C10orf71: variants seen among roughly 807,000 people sequenced by gnomAD.
The protein encoded by C10orf71 is cardiac-enriched FHL2-interacting protein.
For missense variants in C10orf71, 1,869 were observed against 1,804.5 expected, an observed-to-expected ratio of 1.04 and a Z score of -0.65; for synonymous variants, 758 against 726.3, an observed-to-expected ratio of 1.04 and a Z score of -0.70.
rs770394950 is a variant in C10orf71, at chr10:49,325,195, T to A, written c.2650T>A (p.Ser884Thr). ...CCTGAGGACCATGTCCTTGGAGGAC[T>A]CCCTCAGCAGTGGCCACAAAGAGGA... is the stretch of plus-strand genomic sequence containing the variant. ...PLLRTMSLED[S>T]LSSGHKEEEL... Residue 884 changes from serine to threonine, a missense_variant, in exon 3 of 3, where the codon TCC becomes ACC. By Grantham distance (58) the Ser-to-Thr change is moderately conservative. Transcript: ENST00000374144. The A allele has an allele frequency of 3.7e-5, 58 of 1,551,878 alleles. No individual in the cohort carries two copies. The highest frequency in any genetic ancestry group is 5.1e-5 in the Non-Finnish European group (58 of 1,147,070).
rs1179369307 is a variant in C10orf71 at position 49,326,320 on chromosome 10, G to A, written c.3775G>A (p.Gly1259Arg). 2 of 1,548,276 alleles carry A rather than the reference G, an allele frequency of 1.3e-6. No homozygotes were observed. The highest frequency in any genetic ancestry group is 2.4e-5 in the East Asian group (1 of 40,872). The change falls in exon 3 of 3, where the codon GGG becomes AGG. Residue 1259 changes from glycine (G) to arginine (R), a missense_variant. Physicochemically the swap from Gly to Arg is moderately radical, Grantham distance 125. Transcript: ENST00000374144. The part of the protein sequence containing the change: ...GFSEPVGRRP[G>R]GPQSLTPLPA... ...CTCGGAGCCTGTCGGGAGGCGGCCC[G>A]GGGGCCCCCAGTCCCTCACACCCCT...
chr10:49,325,751 C>G lies in C10orf71; in HGVS notation c.3206C>G (p.Ser1069Cys). Residue 1069 changes from serine (S) to cysteine (C), a missense_variant, in exon 3 of 3, where the codon TCC becomes TGC. Physicochemically the swap from Ser to Cys is moderately radical, Grantham distance 112. Coordinates refer to ENST00000374144, the MANE Select transcript of C10orf71 (RefSeq NM_001135196.2). ...PGSPGESSAC[S>C]PAASNIWEES... ...TCCCCCGGGGAGAGCAGTGCCTGCTCCCCTGCTGCCAGCAACATTTGGGAG... is the reference window on the plus strand; with the variant it reads ...TCCCCCGGGGAGAGCAGTGCCTGCTGCCCTGCTGCCAGCAACATTTGGGAG... 1 of 1,551,442 alleles carries G rather than the reference C, an allele frequency of 6.4e-7. No individual in the cohort carries two copies. Among genetic ancestry groups the G allele is most frequent in the Non-Finnish European group, 8.7e-7 (1 of 1,146,876 alleles).
Position 49,322,439 on chromosome 10 carries a change from T to A in C10orf71, c.-107T>A. The A allele has an allele frequency of 7.4e-7, 1 of 1,359,756 alleles. No individual in the cohort carries two copies. Among genetic ancestry groups the A allele is most frequent in the Non-Finnish European group, 9.8e-7 (1 of 1,025,292 alleles). 84.2% of individuals were successfully genotyped at this position (1,359,756 alleles called of 1,614,324 possible). A position where few individuals can be genotyped will look rare whatever the true frequency, so the allele number is the denominator to read the frequency against. On this transcript the variant is annotated 5_prime_UTR_variant, in exon 3 of 3. Coordinates refer to ENST00000374144, the MANE Select transcript of C10orf71 (RefSeq NM_001135196.2). ...ATCCCCACTTTGCAATTGCATCTGGTCAATGAGAGGCTCTAGTTTTGGGGA... is the reference window on the plus strand; with the variant it reads ...ATCCCCACTTTGCAATTGCATCTGGACAATGAGAGGCTCTAGTTTTGGGGA...
At chr10:49,319,452 G>A (rs1315980817) in intron 2 of C10orf71, among the ~76,000 whole-genome samples, 2 of 152,008 alleles carry the variant, frequency 1.3e-5, no homozygotes, top group East Asian at 3.9e-4. Flanking sequence ...ATGGAAAACA[G>A]TCTAGAAGTT....
chr10:49,313,558 C>T (rs956483784), intron 1 of C10orf71, among the ~76,000 whole-genome samples: 3 of 152,142 alleles, frequency 2.0e-5, no homozygotes, highest in Admixed American at 2.0e-4. Context: ...GAATGGGCTG[C>T]TGCAGTGGCC....
chr10:49,326,541 T>C lies in C10orf71; in HGVS notation c.3996T>C (p.Tyr1332=), dbSNP rs558121929. 191 of 1,550,634 alleles carry C rather than the reference T, an allele frequency of 1.2e-4. 4 individuals are homozygous for C. In the South Asian group the frequency reaches 2.1e-3, roughly 17 times the overall value. The change falls in exon 3 of 3, where the codon TAT becomes TAC. Residue 1332 remains tyrosine (Y), a synonymous_variant. Coordinates refer to ENST00000374144, the MANE Select transcript of C10orf71 (RefSeq NM_001135196.2). The part of the protein sequence containing the change: ...PPPPDALAAP[Y]VLYPGFQPVP... ...CACCGGACGCCCTGGCCGCTCCCTA[T>C]GTGCTGTACCCCGGCTTCCAGCCAG...
In C10orf71 at chr10:49,325,701, G is replaced by C. The variant is rs1186867522; in HGVS notation, c.3156G>C (p.Glu1052Asp). Reference protein sequence around the residue: ...GPPGRRLVPSERANSPNPGSP... With the variant: ...GPPGRRLVPSDRANSPNPGSP... Reference sequence around the variant, plus strand: ...CTGGCAGAAGACTGGTCCCCAGTGAGAGGGCGAATTCCCCCAACCCCGGCT... The same window carrying C: ...CTGGCAGAAGACTGGTCCCCAGTGACAGGGCGAATTCCCCCAACCCCGGCT... The change falls in exon 3 of 3, where the codon GAG (glutamate) becomes GAC (aspartate). Residue 1052 changes from glutamate to aspartate, a missense_variant. Glu to Asp is a conservative substitution (Grantham distance 45, BLOSUM62 2). Coordinates refer to ENST00000374144, the MANE Select transcript of C10orf71 (RefSeq NM_001135196.2). 6.4e-7 allele frequency: 1 copy of C among 1,551,816 alleles called. No individual in the cohort carries two copies. Among genetic ancestry groups the C allele is most frequent in the Non-Finnish European group, 8.7e-7 (1 of 1,146,990 alleles).
chr10:49,308,702 G>A (rs1303797890), intron 1 of C10orf71, among the ~76,000 whole-genome samples: 3 of 152,194 alleles, frequency 2.0e-5, no homozygotes, highest in African/African-American at 7.2e-5. Flanking sequence ...TATATCTCCA[G>A]CACCAAAACT....
At chr10:49,309,085 A>G (rs974396872) in intron 1 of C10orf71, among the ~76,000 whole-genome samples, 1 of 152,230 alleles carries the variant, frequency 6.6e-6, no homozygotes, top group African/African-American at 2.4e-5. Context: ...GAGCACGGGC[A>G]GGTGCAGGGG....
intron 2 of C10orf71, 29 bp from the exon 3 acceptor site, chr10:49,322,373 T>C: frequency 2.9e-6 from 2 of 684,872 alleles, no homozygotes; most frequent in Non-Finnish European, 4.7e-6. Flanking sequence ...GTATACTTTG[T>C]TCACGCCCTG....
Position 49,326,239 on chromosome 10 carries a change from T to A in C10orf71, c.3694T>A (p.Phe1232Ile). 1 of 1,550,516 alleles carries A rather than the reference T, an allele frequency of 6.4e-7. No individual in the cohort carries two copies. Among genetic ancestry groups the A allele is most frequent in the Non-Finnish European group, 8.7e-7 (1 of 1,146,918 alleles). Residue 1232 changes from phenylalanine to isoleucine, a missense_variant, in exon 3 of 3, where the codon TTC becomes ATC. Physicochemically the swap from Phe to Ile is conservative, Grantham distance 21. Transcript: ENST00000374144. ...LCPRERPRHN[F>I]PVVRSLPPPV... Reference sequence around the variant, plus strand: ...CCCCAGAGAGAGGCCCCGACACAATTTCCCCGTGGTCCGTTCCCTGCCCCC... The same window carrying A: ...CCCCAGAGAGAGGCCCCGACACAATATCCCCGTGGTCCGTTCCCTGCCCCC...
Position 49,318,987 on chromosome 10 carries a change from G to A in C10orf71, c.-145+2740G>A, listed in dbSNP as rs190426021. 4.7e-3 allele frequency among the ~76,000 whole-genome samples: 709 copies of A among 152,304 alleles called. 8 individuals are homozygous for A. The highest frequency in any genetic ancestry group is 0.016 in the African/African-American group (653 of 41,558). Reference sequence around the variant, plus strand: ...CCCCTGGAGCTCTGGCAGTGACTAAGGCCAGCCAAGCAAGGAGGGGAGAGC... The same window carrying A: ...CCCCTGGAGCTCTGGCAGTGACTAAAGCCAGCCAAGCAAGGAGGGGAGAGC... On this transcript the variant is annotated intron_variant, in intron 2 of 2. Transcript: ENST00000374144.
Position 49,325,388 on chromosome 10 carries a change from A to C in C10orf71, c.2843A>C (p.Glu948Ala). ...PGQGSSMARMEASQPAPKGNF... is the reference protein window; with the variant it reads ...PGQGSSMARMAASQPAPKGNF... ...CAGGGGTCGAGCATGGCCAGGATGG[A>C]GGCCTCTCAGCCAGCCCCAAAGGGG... The change falls in exon 3 of 3, where the codon GAG (glutamate) becomes GCG (alanine). Residue 948 changes from glutamate to alanine, a missense_variant. Transcript: ENST00000374144. 6.4e-7 allele frequency: 1 copy of C among 1,551,220 alleles called. No homozygotes were observed. Among genetic ancestry groups the C allele is most frequent in the Non-Finnish European group, 8.7e-7 (1 of 1,146,632 alleles).
In C10orf71 at chr10:49,322,816, G is replaced by A. The variant is rs368649718; in HGVS notation, c.271G>A (p.Glu91Lys). The A allele has an allele frequency of 3.1e-6, 5 of 1,613,792 alleles. No individual in the cohort carries two copies. In the African/African-American group the frequency reaches 4.0e-5, roughly 13 times the overall value. The change falls in exon 3 of 3, where the codon GAA becomes AAA. Residue 91 changes from glutamate (E) to lysine (K), a missense_variant. Coordinates refer to ENST00000374144, the MANE Select transcript of C10orf71 (RefSeq NM_001135196.2). Reference sequence around the variant, plus strand: ...GAGCCAGTTACCGTCACAGGGCACGGAACATTCGGGCTGGGCGGCCACCTT... The same window carrying A: ...GAGCCAGTTACCGTCACAGGGCACGAAACATTCGGGCTGGGCGGCCACCTT... ...IWSQLPSQGTEHSGWAATFQQ... is the reference protein window; with the variant it reads ...IWSQLPSQGTKHSGWAATFQQ...
In C10orf71 at chr10:49,327,139, T is replaced by G; in HGVS notation, c.*286T>G. 1 of 998,530 alleles carries G rather than the reference T, an allele frequency of 1.0e-6. No homozygotes were observed. Among genetic ancestry groups the G allele is most frequent in the Non-Finnish European group, 1.4e-6 (1 of 725,404 alleles). 61.9% of individuals were successfully genotyped at this position (998,530 alleles called of 1,614,324 possible). A position where few individuals can be genotyped will look rare whatever the true frequency, so the allele number is the denominator to read the frequency against. ...CGCACTCTACTCCAGCCCTTCTCCCTCCCTCCCTTCCTCCCTCTCCTGGCC... is the reference window on the plus strand; with the variant it reads ...CGCACTCTACTCCAGCCCTTCTCCCGCCCTCCCTTCCTCCCTCTCCTGGCC... On this transcript the variant is annotated 3_prime_UTR_variant, in exon 3 of 3. Transcript: ENST00000374144.
At chr10:49,309,779 C>T (rs1848879129) in intron 1 of C10orf71, among the ~76,000 whole-genome samples, 1 of 152,132 alleles carries the variant, frequency 6.6e-6, no homozygotes, top group Non-Finnish European at 1.5e-5. Flanking sequence ...ACACTTCACT[C>T]CACTGAACTG....
chr10:49,304,071 G>A (rs1238982796), intron 1 of C10orf71, among the ~76,000 whole-genome samples: 1 of 152,194 alleles, frequency 6.6e-6, no homozygotes, highest in Non-Finnish European at 1.5e-5. Flanking sequence ...TCCAGGCCAG[G>A]GAAGATGAGC....
chr10:49,316,087 C>G (rs1848995332), intron 1 of C10orf71, 58 bp from the exon 2 acceptor site: 1 of 151,906 alleles, frequency 6.6e-6, no homozygotes, highest in African/African-American at 2.4e-5. Flanking sequence ...TTCCAATGAA[C>G]TTGCGCTTGG....
chr10:49,305,792 G>A (rs1292222059), intron 1 of C10orf71, among the ~76,000 whole-genome samples: 1 of 152,288 alleles, frequency 6.6e-6, no homozygotes, highest in African/African-American at 2.4e-5. Context: ...CCCGTAAGTT[G>A]GGCATAATTA....
Sources: gnomAD v4.1 joint callset for allele counts (sites outside exome capture counted in the v4.1 genomes callset) on GRCh38, gnomAD v4.1.1 for gene constraint, MANE v1.5 for transcripts, NCBI Gene and HGNC (gene_info 2026-07-23, HGNC 2026-07-21) for gene names.